The following CENPE variants were observed in gnomAD, a reference collection of about 807,000 sequenced individuals.
CENPE encodes the protein centromere protein E, also known as centromere-associated protein E.
CENPE carries 145 observed loss-of-function variants against 336.1 expected under a neutral mutation model. The ratio of observed to expected loss-of-function variants is 0.43; its 90% CI spans 0.38 to 0.50. CENPE has a LOEUF of 0.50. Ranked by LOEUF, CENPE falls within the 20% of genes least tolerant of loss-of-function variation. The pLI, the probability that CENPE is intolerant of heterozygous loss-of-function variation, is 0.00. For missense variants in CENPE, 2,719 were observed against 3,023.3 expected (o/e 0.90, Z 2.36); for synonymous variants, 1,013 against 984.8 (o/e 1.03, Z -0.54).
chr4:103,143,237 A>C lies in CENPE; in HGVS notation c.5304+11T>G. ...ACTCTCAGTAACTGAGATAACTTAA[A>C]AATAAAATACCTGTGCTTTTAAGGC... On this transcript the variant is annotated intron_variant, in intron 34 of 48. Coordinates refer to ENST00000265148, the MANE Select transcript of CENPE (RefSeq NM_001813.3). 1.3e-6 allele frequency: 2 copies of C among 1,563,340 alleles called. No individual in the cohort carries two copies. Among genetic ancestry groups the C allele is most frequent in the South Asian group, 2.4e-5 (2 of 83,522 alleles).
At chr4:103,149,087 T>C (rs373398546) in intron 27 of CENPE, 31 bp downstream of exon 27, 78 of 1,580,886 alleles carry the variant, frequency 4.9e-5, no homozygotes, top group Non-Finnish European at 6.3e-5. Flanking sequence ...AAAGAAACAC[T>C]TAATAGATGA....
At position 103,116,572 on chromosome 4, in the gene CENPE, C is replaced by T. The variant is rs779012905; in HGVS notation, c.7442+5G>A. Reference sequence around the variant, plus strand: ...AAATCACATTAAATTAAGACAAATACGTACTCCTTTTCAAATTCTTTGGCA... The same window carrying T: ...AAATCACATTAAATTAAGACAAATATGTACTCCTTTTCAAATTCTTTGGCA... On this transcript the variant is annotated splice_donor_5th_base_variant and intron_variant, in intron 45 of 48. Coordinates refer to ENST00000265148, the MANE Select transcript of CENPE (RefSeq NM_001813.3). 3.4e-5 allele frequency: 48 copies of T among 1,398,154 alleles called. No individual in the cohort carries two copies. The highest frequency in any genetic ancestry group is 4.4e-5 in the Non-Finnish European group (44 of 1,009,898). 86.6% of individuals were successfully genotyped at this position (1,398,154 alleles called of 1,614,324 possible). A position where few individuals can be genotyped will look rare whatever the true frequency, so the allele number is the denominator to read the frequency against.
chr4:103,152,882 TG>T (rs1297267413), intron 25 of CENPE, among the ~76,000 whole-genome samples, 164 bp downstream of exon 25: 2 of 152,132 alleles, frequency 1.3e-5, no homozygotes, highest in Non-Finnish European at 2.9e-5. Flanking sequence ...CTATCTTGAC[TG>T]GGGTGAAGAG....
intron 8 of CENPE, among the ~76,000 whole-genome samples, chr4:103,192,046 T>C (rs568253500): frequency 6.6e-6 from 1 of 151,756 alleles, no homozygotes; most frequent in Non-Finnish European, 1.5e-5. Context: ...AGGGGTGTCT[T>C]GTTTATTGTT....
intron 33 of CENPE, among the ~76,000 whole-genome samples, 154 bp downstream of exon 33, chr4:103,144,177 C>T (rs1364138874): frequency 6.6e-6 from 1 of 152,170 alleles, no homozygotes; most frequent in Non-Finnish European, 1.5e-5. Flanking sequence ...ACCTCGTGAT[C>T]TGCCCGCCCT....
chr4:103,112,598 GTA>G (rs2125838176), intron 46 of CENPE, among the ~76,000 whole-genome samples: 1 of 132,496 alleles, frequency 7.5e-6, no homozygotes, highest in East Asian at 2.1e-4. Flanking sequence ...ATACTTATAA[GTA>G]TATATAAGTC....
intron 8 of CENPE, 83 bp from the exon 9 acceptor site, chr4:103,185,944 C>G: frequency 1.2e-6 from 1 of 864,488 alleles, no homozygotes; most frequent in Non-Finnish European, 1.9e-6. Flanking sequence ...ATTTTTAATA[C>G]ATGGTATATC....
At chr4:103,139,289 CAA>C (rs1483890001) in intron 38 of CENPE, among the ~76,000 whole-genome samples, 2 of 152,124 alleles carry the variant, frequency 1.3e-5, no homozygotes, top group East Asian at 1.9e-4. Flanking sequence ...CTGTTACTTT[CAA>C]AAAGAGGATT....
chr4:103,139,471 CA>C (rs1475422146), intron 38 of CENPE, among the ~76,000 whole-genome samples: 1 of 151,972 alleles, frequency 6.6e-6, no homozygotes, highest in Non-Finnish European at 1.5e-5. Flanking sequence ...TGCTCTCTTA[CA>C]AATCTAATCC....
intron 16 of CENPE, among the ~76,000 whole-genome samples, chr4:103,166,895 C>T (rs1754969821): frequency 6.6e-6 from 1 of 152,194 alleles, no homozygotes; most frequent in South Asian, 2.1e-4. Context: ...GGACACTTTA[C>T]ACTAATAACT....
intron 16 of CENPE, 55 bp from the exon 17 acceptor site, chr4:103,163,608 CAA>C (rs11315612): frequency 0.11 from 33,994 of 296,820 alleles, 46 homozygotes; most frequent in Middle Eastern, 0.15. Flanking sequence ...TAAAGCAAAG[CAA>C]AAAAAAAAAA....
intron 21 of CENPE, 72 bp from the exon 22 acceptor site, chr4:103,159,396 G>A: frequency 1.1e-6 from 1 of 893,586 alleles, no homozygotes; most frequent in Non-Finnish European, 1.6e-6. Flanking sequence ...AGGAAAAAAA[G>A]CTTTCTCTGC....
At chr4:103,131,529 T>A (rs1339048756) in intron 42 of CENPE, among the ~76,000 whole-genome samples, 1 of 152,218 alleles carries the variant, frequency 6.6e-6, no homozygotes, top group African/African-American at 2.4e-5. Context: ...ACCGCCCCTT[T>A]GGAAGACTGT....
At chr4:103,175,575 A>G (rs1755787589) in intron 15 of CENPE, among the ~76,000 whole-genome samples, 1 of 152,132 alleles carries the variant, frequency 6.6e-6, no homozygotes, top group Non-Finnish European at 1.5e-5. Flanking sequence ...ATCTAAACTT[A>G]CTGATGTATT....
At chr4:103,127,115 A>G (rs1484683043) in intron 42 of CENPE, among the ~76,000 whole-genome samples, 1 of 144,004 alleles carries the variant, frequency 6.9e-6, no homozygotes, top group Non-Finnish European at 1.5e-5. Context: ...AAAAAAAACC[A>G]AAAAAACCCC....
At chr4:103,160,944 A>G (rs1754390057) in intron 20 of CENPE, 142 bp downstream of exon 20, 1 of 925,702 alleles carries the variant, frequency 1.1e-6, no homozygotes. Flanking sequence ...TTAATACCAA[A>G]TGAAACTAAA....
In CENPE at chr4:103,123,002, T is replaced by C; in HGVS notation, c.7012A>G (p.Lys2338Glu). 6.2e-7 allele frequency: 1 copy of C among 1,614,008 alleles called. No homozygotes were observed. The highest frequency in any genetic ancestry group is 8.5e-7 in the Non-Finnish European group (1 of 1,179,912). ...WEQDLKSLKE[K>E]NEKLFKNYQT... Reference sequence around the variant, plus strand: ...TAGTTTTTAAATAGTTTTTCATTTTTCTCTTTCAGTGATTTCAGGTCCTGT... The same window carrying C: ...TAGTTTTTAAATAGTTTTTCATTTTCCTCTTTCAGTGATTTCAGGTCCTGT... The change falls in exon 43 of 49, where the codon AAA becomes GAA. Residue 2338 changes from lysine to glutamate, a missense_variant. By Grantham distance (56) the Lys-to-Glu change is moderately conservative (BLOSUM62 1). Transcript: ENST00000265148.
In CENPE at chr4:103,196,679, T is replaced by A. The variant is rs150722342; in HGVS notation, c.148+80A>T. 155 of 703,866 alleles carry A rather than the reference T, an allele frequency of 2.2e-4. No homozygotes were observed. The East Asian group carries it at 4.0e-3, about 18-fold the overall frequency. 43.6% of individuals were successfully genotyped at this position (703,866 alleles called of 1,614,324 possible). Reference sequence around the variant, plus strand: ...GCTTAGTCTAATCTTTAGTGACAAATCTAATATTATTGATAAGCCTTTTGT... The same window carrying A: ...GCTTAGTCTAATCTTTAGTGACAAAACTAATATTATTGATAAGCCTTTTGT... On this transcript the variant is annotated intron_variant, in intron 2 of 48. Transcript: ENST00000265148.
intron 23 of CENPE, 29 bp downstream of exon 23, chr4:103,158,585 T>C (rs764498754): frequency 1.3e-5 from 20 of 1,561,098 alleles, no homozygotes; most frequent in Non-Finnish European, 1.7e-5. Flanking sequence ...GTCTCCAATT[T>C]TTCAAAGTTT....
Sources: gnomAD v4.1 joint callset for allele counts (sites outside exome capture counted in the v4.1 genomes callset) on GRCh38, gnomAD v4.1.1 for gene constraint, MANE v1.5 for transcripts, NCBI Gene and HGNC (gene_info 2026-07-23, HGNC 2026-07-21) for gene names.